Variants in PLA2G4A observed in about 807,000 individuals in gnomAD.
PLA2G4A encodes the protein phospholipase A2 group IVA, also known as cytosolic phospholipase A2.
PLA2G4A carries 40 observed loss-of-function variants against 81.9 expected under a neutral mutation model. The observed-to-expected ratio is 0.49, with a 90% CI of 0.38 to 0.64. The LOEUF is 0.64. Ranked by LOEUF, PLA2G4A falls within the 30% of genes least tolerant of loss-of-function variation. The probability of loss-of-function intolerance (pLI) is 0.00; values close to 1 mark genes in which losing one functional copy is unlikely to be tolerated. For missense variants in PLA2G4A, 715 were observed against 905.1 expected, an observed-to-expected ratio of 0.79 and a Z score of 2.69; for synonymous variants, 302 against 296.9, an observed-to-expected ratio of 1.02 and a Z score of -0.18.
intron 1 of PLA2G4A, among the ~76,000 whole-genome samples, chr1:186,837,910 C>T (rs1651846452): frequency 6.6e-6 from 1 of 151,940 alleles, no homozygotes; most frequent in Non-Finnish European, 1.5e-5. Flanking sequence ...AACATTGCCT[C>T]CTTTGTGGCA....
intron 2 of PLA2G4A, among the ~76,000 whole-genome samples, chr1:186,869,536 A>G (rs889209990): frequency 1.9e-4 from 29 of 152,132 alleles, no homozygotes; most frequent in African/African-American, 7.0e-4. Flanking sequence ...GGTCCTTATC[A>G]ATCTGTCTAC....
intron 15 of PLA2G4A, among the ~76,000 whole-genome samples, chr1:186,975,427 A>G (rs1297166156): frequency 6.6e-6 from 1 of 152,228 alleles, no homozygotes; most frequent in East Asian, 1.9e-4. Flanking sequence ...CAAAAAGAGC[A>G]GTGAAAGTTC....
chr1:186,887,000 A>G (rs1050106561), intron 3 of PLA2G4A, among the ~76,000 whole-genome samples: 1 of 152,164 alleles, frequency 6.6e-6, no homozygotes, highest in Non-Finnish European at 1.5e-5. Flanking sequence ...ATGCTGGAGA[A>G]TATGATTGAA....
chr1:186,898,187 T>A (rs1654410076), intron 5 of PLA2G4A, among the ~76,000 whole-genome samples: 1 of 152,076 alleles, frequency 6.6e-6, no homozygotes, highest in Non-Finnish European at 1.5e-5. Context: ...TTAAAGATAC[T>A]AACTTGTAAA....
At chr1:186,862,586 G>T (rs1652852538) in intron 2 of PLA2G4A, among the ~76,000 whole-genome samples, 1 of 152,042 alleles carries the variant, frequency 6.6e-6, no homozygotes, top group Non-Finnish European at 1.5e-5. Context: ...TCAAAATAGG[G>T]ATAAAATATC....
chr1:186,949,711 C>T (rs944833315), intron 12 of PLA2G4A, among the ~76,000 whole-genome samples: 11 of 152,004 alleles, frequency 7.2e-5, no homozygotes, highest in Admixed American at 6.6e-5. Flanking sequence ...TGCTCATTCA[C>T]GCACATTTTA....
intron 5 of PLA2G4A, among the ~76,000 whole-genome samples, chr1:186,895,982 G>T (rs1271736145): frequency 6.6e-6 from 1 of 151,204 alleles, no homozygotes; most frequent in African/African-American, 2.4e-5. Context: ...TATAATACAT[G>T]CATATGATAA....
intron 7 of PLA2G4A, among the ~76,000 whole-genome samples, chr1:186,926,942 A>C (rs1317489817): frequency 6.6e-6 from 1 of 152,216 alleles, no homozygotes; most frequent in Non-Finnish European, 1.5e-5. Context: ...CCATGGCCTA[A>C]TTTTTAAATT....
intron 7 of PLA2G4A, among the ~76,000 whole-genome samples, chr1:186,931,597 C>A (rs1357490689): frequency 6.6e-6 from 1 of 151,452 alleles, no homozygotes; most frequent in East Asian, 1.9e-4. Flanking sequence ...AGGCTTAATT[C>A]AAATCCTTCC....
intron 4 of PLA2G4A, 74 bp downstream of exon 4, chr1:186,893,233 C>T: frequency 7.7e-7 from 1 of 1,305,194 alleles, no homozygotes; most frequent in Non-Finnish European, 1.1e-6. Flanking sequence ...TGTCCTTTTA[C>T]TGCCTTTTTG....
At chr1:186,889,480 C>T (rs974864225) in intron 3 of PLA2G4A, among the ~76,000 whole-genome samples, 4 of 152,108 alleles carry the variant, frequency 2.6e-5, no homozygotes, top group African/African-American at 4.8e-5. Flanking sequence ...AGGTCCAAGC[C>T]GGAAAATTAA....
chr1:186,980,011 A>G (rs1042103805), intron 17 of PLA2G4A, among the ~76,000 whole-genome samples: 2 of 136,432 alleles, frequency 1.5e-5, no homozygotes, highest in African/African-American at 5.5e-5. Flanking sequence ...GCAGTGGCGC[A>G]ATGTCGGCTC....
intron 10 of PLA2G4A, among the ~76,000 whole-genome samples, chr1:186,945,221 A>G (rs919683087): frequency 6.6e-6 from 1 of 152,150 alleles, no homozygotes; most frequent in African/African-American, 2.4e-5. Context: ...AATGAACTTG[A>G]CTTCTTTGAG....
At chr1:186,884,203 T>A (rs946247094) in intron 3 of PLA2G4A, among the ~76,000 whole-genome samples, 1 of 151,616 alleles carries the variant, frequency 6.6e-6, no homozygotes, top group African/African-American at 2.4e-5. Context: ...ACATATTTTT[T>A]AAATTGTGAG....
chr1:186,870,889 C>G lies in PLA2G4A; in HGVS notation c.115+373C>G, dbSNP rs1653242586. On this transcript the variant is annotated intron_variant, in intron 3 of 17. Transcript: ENST00000367466. ...GATCTTTGAACGATAACATTTCGAA[C>G]AGTTCTCTGATGCTATCTGTCAGAA... The G allele has an allele frequency of 6.0e-6, 3 of 498,296 alleles. No homozygotes were observed. The Admixed American group carries it at 8.7e-5, about 14-fold the overall frequency. 30.9% of individuals were successfully genotyped at this position (498,296 alleles called of 1,614,324 possible).
chr1:186,932,337 C>T (rs1233103278), intron 7 of PLA2G4A, among the ~76,000 whole-genome samples: 1 of 149,826 alleles, frequency 6.7e-6, no homozygotes, highest in Non-Finnish European at 1.5e-5. Flanking sequence ...GCTCTGTTGC[C>T]CAGGCTGGAG....
chr1:186,908,040 A>G (rs1654803003), intron 6 of PLA2G4A, among the ~76,000 whole-genome samples: 1 of 152,116 alleles, frequency 6.6e-6, no homozygotes, highest in Admixed American at 6.5e-5. Context: ...AATATTAAAA[A>G]TTTCTTTTTT....
In PLA2G4A at chr1:186,928,748, G is replaced by A. The variant is rs991767003; in HGVS notation, c.559-4015G>A. Among the ~76,000 whole-genome samples the A allele has an allele frequency of 4.6e-5, 7 of 152,122 alleles. 1 individual carries two copies. The highest frequency in any genetic ancestry group is 1.7e-4 in the African/African-American group (7 of 41,420). ...TTCAGAATTTTCTTTTGAAAGGGAG[G>A]CAATTAATAATGTTAGTAAGCTTGC... On this transcript the variant is annotated intron_variant, in intron 7 of 17. Coordinates refer to ENST00000367466, the MANE Select transcript of PLA2G4A (RefSeq NM_024420.3).
At chr1:186,957,350 A>G (rs967908132) in intron 14 of PLA2G4A, among the ~76,000 whole-genome samples, 5 of 152,184 alleles carry the variant, frequency 3.3e-5, no homozygotes, top group Non-Finnish European at 7.3e-5. Context: ...ATCGTTCCAA[A>G]CCTTCAGGGA....
Sources: gnomAD v4.1 joint callset for allele counts (sites outside exome capture counted in the v4.1 genomes callset) on GRCh38, gnomAD v4.1.1 for gene constraint, MANE v1.5 for transcripts, NCBI Gene and HGNC (gene_info 2026-07-23, HGNC 2026-07-21) for gene names.